GATB: variants seen among roughly 807,000 people sequenced by gnomAD.
GATB encodes the protein glutamyl-tRNA amidotransferase subunit B.
GATB carries 39 observed loss-of-function variants against 62.3 expected under a neutral mutation model. The observed-to-expected ratio is 0.63, with a 90% CI of 0.48 to 0.82. The LOEUF (loss-of-function observed/expected upper bound fraction) is 0.82. Ranked by LOEUF, GATB falls within the 40% of genes least tolerant of loss-of-function variation. The pLI, the probability that GATB is intolerant of heterozygous loss-of-function variation, is 0.00. For missense variants in GATB, 670 were observed against 684.0 expected (o/e 0.98, Z 0.23); for synonymous variants, 276 against 258.9 (o/e 1.07, Z -0.63).
chr4:151,755,971 T>C (rs1739820706), intron 2 of GATB, among the ~76,000 whole-genome samples: 1 of 152,154 alleles, frequency 6.6e-6, no homozygotes, highest in East Asian at 1.9e-4. Context: ...AGGGGAGCTT[T>C]ATTTGAGGGT....
At chr4:151,680,036 T>C in intron 10 of GATB, 145 bp from the exon 11 acceptor site, 2 of 637,248 alleles carry the variant, frequency 3.1e-6, no homozygotes, top group Non-Finnish European at 5.5e-6. Context: ...CCAACTGGGC[T>C]CTCTTTTATT....
intron 3 of GATB, 95 bp downstream of exon 3, chr4:151,719,328 TGA>T (rs998904040): frequency 1.2e-6 from 1 of 832,898 alleles, no homozygotes; most frequent in Non-Finnish European, 2.0e-6. Context: ...GCTGAAAACA[TGA>T]GAGGCACAGC....
At chr4:151,733,631 T>C (rs988004361) in intron 2 of GATB, among the ~76,000 whole-genome samples, 1 of 152,164 alleles carries the variant, frequency 6.6e-6, no homozygotes, top group Non-Finnish European at 1.5e-5. Flanking sequence ...ATCACCCTAA[T>C]ACCAAAATCA....
chr4:151,706,738 G>A (rs1453333824), intron 6 of GATB, among the ~76,000 whole-genome samples: 1 of 152,172 alleles, frequency 6.6e-6, no homozygotes, highest in Non-Finnish European at 1.5e-5. Flanking sequence ...CATCTTTTCT[G>A]TACTGTTTCT....
intron 2 of GATB, among the ~76,000 whole-genome samples, chr4:151,732,871 T>C (rs1040523266): frequency 6.6e-6 from 1 of 151,480 alleles, no homozygotes; most frequent in Non-Finnish European, 1.5e-5. Context: ...AAGATAAATA[T>C]TAAAAAAACT....
chr4:151,703,982 G>C (rs1397107091), intron 7 of GATB, 87 bp from the exon 8 acceptor site: 2 of 834,246 alleles, frequency 2.4e-6, no homozygotes, highest in African/African-American at 1.7e-5. Context: ...ACCAATAAGG[G>C]GCACAGGCAA....
chr4:151,757,571 C>T lies in GATB; in HGVS notation c.327+1201G>A, dbSNP rs181610559. On this transcript the variant is annotated intron_variant, in intron 2 of 12. Transcript: ENST00000263985. ...CACTGCAAGCTCTGCCTCCCAGGTT[C>T]ACGCCATTCTCCTGCCTCAGCCTCC... Among the ~76,000 whole-genome samples the T allele has an allele frequency of 5.8e-4, 84 of 144,600 alleles. 1 individual carries two copies. In the East Asian group the frequency reaches 0.015, roughly 26 times the overall value. The allele number at this position is 144,600 out of a possible 152,430, so 94.9% of individuals were successfully genotyped here.
chr4:151,703,888 T>C lies in GATB; in HGVS notation c.970A>G (p.Met324Val). Residue 324 changes from methionine to valine, a missense_variant, in exon 8 of 13, where the codon ATG (methionine) becomes GTG (valine). Met to Val is a conservative substitution (Grantham distance 21, BLOSUM62 1). Coordinates refer to ENST00000263985, the MANE Select transcript of GATB (RefSeq NM_004564.3). ...RSFHHKLGCT[M>V]SMRDKEGKQD... is the part of the protein sequence containing the mutation. Reference sequence around the variant, plus strand: ...TTTCCTTCTTTGTCTCTCATTGACATGGTGCACCTGCAATAGTTAAATAAG... The same window carrying C: ...TTTCCTTCTTTGTCTCTCATTGACACGGTGCACCTGCAATAGTTAAATAAG... 1.2e-6 allele frequency: 2 copies of C among 1,606,430 alleles called. No homozygotes were observed. Among genetic ancestry groups the C allele is most frequent in the South Asian group, 2.2e-5 (2 of 90,792 alleles).
chr4:151,735,101 G>C (rs1195061724), intron 2 of GATB, among the ~76,000 whole-genome samples: 1 of 152,028 alleles, frequency 6.6e-6, no homozygotes, highest in East Asian at 1.9e-4. Context: ...TTAAACTAAA[G>C]AGCTTTTGCA....
intron 9 of GATB, among the ~76,000 whole-genome samples, chr4:151,691,094 C>T (rs1276697807): frequency 6.6e-6 from 1 of 152,178 alleles, no homozygotes; most frequent in Non-Finnish European, 1.5e-5. Flanking sequence ...GTGAACATGT[C>T]AGTGCAGCCA....
chr4:151,703,694 A>G (rs899406064), intron 8 of GATB, 157 bp downstream of exon 8: 34 of 666,052 alleles, frequency 5.1e-5, no homozygotes, highest in Non-Finnish European at 7.4e-5. Context: ...CTCGGTATGC[A>G]TATCAAAGAG....
At chr4:151,694,890 A>G (rs573540915) in intron 9 of GATB, among the ~76,000 whole-genome samples, 3 of 152,368 alleles carry the variant, frequency 2.0e-5, no homozygotes, top group African/African-American at 7.2e-5. Flanking sequence ...AACCAGCTGT[A>G]GTCATGATAT....
At chr4:151,753,990 A>G (rs1309169015) in intron 2 of GATB, among the ~76,000 whole-genome samples, 1 of 152,164 alleles carries the variant, frequency 6.6e-6, no homozygotes, top group Non-Finnish European at 1.5e-5. Context: ...GTTCTTGCAA[A>G]GGATACCCTT....
intron 2 of GATB, among the ~76,000 whole-genome samples, chr4:151,726,009 T>C (rs966654235): frequency 6.6e-6 from 1 of 152,158 alleles, no homozygotes; most frequent in African/African-American, 2.4e-5. Flanking sequence ...TGGCAATTCC[T>C]CTCAGGCATC....
chr4:151,705,461 G>A (rs1386228365), intron 6 of GATB, among the ~76,000 whole-genome samples, 192 bp from the exon 7 acceptor site: 5 of 152,032 alleles, frequency 3.3e-5, no homozygotes, highest in African/African-American at 1.2e-4. Context: ...TGTTGGAAAG[G>A]GCCTTAGGAA....
chr4:151,717,207 G>T, intron 3 of GATB, 133 bp from the exon 4 acceptor site: 1 of 849,720 alleles, frequency 1.2e-6, no homozygotes, highest in African/African-American at 1.7e-5. Context: ...AAAAGGAAAA[G>T]GAGAAAAAAA....
At chr4:151,738,738 G>T (rs1490145558) in intron 2 of GATB, among the ~76,000 whole-genome samples, 1 of 152,216 alleles carries the variant, frequency 6.6e-6, no homozygotes, top group Non-Finnish European at 1.5e-5. Context: ...GAGGTTATGA[G>T]TGACTACAGG....
intron 2 of GATB, among the ~76,000 whole-genome samples, chr4:151,756,207 T>C (rs1015009080): frequency 6.6e-6 from 1 of 152,188 alleles, no homozygotes; most frequent in Non-Finnish European, 1.5e-5. Flanking sequence ...TTGGTTTACT[T>C]GACCAAAACA....
chr4:151,702,101 C>T (rs1224188146), intron 8 of GATB, among the ~76,000 whole-genome samples: 3 of 152,164 alleles, frequency 2.0e-5, no homozygotes, highest in South Asian at 4.1e-4. Context: ...CTGTAGCATA[C>T]GTAATCCACT....
Sources: gnomAD v4.1 joint callset for allele counts (sites outside exome capture counted in the v4.1 genomes callset) on GRCh38, gnomAD v4.1.1 for gene constraint, MANE v1.5 for transcripts, NCBI Gene and HGNC (gene_info 2026-07-23, HGNC 2026-07-21) for gene names.